ASCC3: variants seen among roughly 807,000 people sequenced by gnomAD.
ASCC3 encodes ASC-1 complex subunit P200.
Under a neutral mutation model 256.3 loss-of-function variants are expected in ASCC3, and 158 were observed. The ratio of observed to expected loss-of-function variants is 0.62; its 90% confidence interval spans 0.54 to 0.70. The LOEUF (loss-of-function observed/expected upper bound fraction) is 0.70, where lower values mean the gene tolerates loss of function less well. ASCC3 is among the 30% of genes least tolerant of loss of function. The probability of loss-of-function intolerance (pLI) is 0.00; values close to 1 mark genes in which losing one functional copy is unlikely to be tolerated. For synonymous variants in ASCC3, 948 were observed against 883.4 expected (o/e 1.07, Z -1.30); for missense variants, 2,259 against 2,626.0 (o/e 0.86, Z 3.05).
intron 13 of ASCC3, among the ~76,000 whole-genome samples, chr6:100,709,178 G>T (rs1234630742): frequency 6.6e-6 from 1 of 152,116 alleles, no homozygotes; most frequent in African/African-American, 2.4e-5. Context: ...TGGTCATACG[G>T]CAAGACCACA....
At chr6:100,749,433 A>C (rs1396721010) in intron 10 of ASCC3, among the ~76,000 whole-genome samples, 1 of 152,040 alleles carries the variant, frequency 6.6e-6, no homozygotes, top group East Asian at 1.9e-4. Context: ...CTGCATTTTT[A>C]AACTTTTCTA....
intron 4 of ASCC3, among the ~76,000 whole-genome samples, chr6:100,825,970 T>G (rs1056586015): frequency 1.3e-5 from 2 of 151,996 alleles, no homozygotes; most frequent in African/African-American, 4.8e-5. Context: ...TCACAAAGAT[T>G]ATTACCAACC....
At chr6:100,830,943 T>C (rs1230965321) in intron 4 of ASCC3, among the ~76,000 whole-genome samples, 2 of 152,206 alleles carry the variant, frequency 1.3e-5, no homozygotes, top group African/African-American at 4.8e-5. Flanking sequence ...AAAATACTTA[T>C]AAAGGCTACA....
At chr6:100,809,070 G>C (rs1018508843) in intron 4 of ASCC3, among the ~76,000 whole-genome samples, 1 of 151,888 alleles carries the variant, frequency 6.6e-6, no homozygotes, top group Admixed American at 6.6e-5. Flanking sequence ...CTCTAGTTGA[G>C]TCAGTGAGTG....
At chr6:100,766,798 A>T in intron 9 of ASCC3, 93 bp from the exon 10 acceptor site, 3 of 1,449,930 alleles carry the variant, frequency 2.1e-6, no homozygotes, top group Non-Finnish European at 2.9e-6. Flanking sequence ...TTATTGTGAA[A>T]TATGTTTCTA....
Position 100,644,082 on chromosome 6 carries a change from A to T in ASCC3, c.3681T>A (p.Pro1227=). The change falls in exon 23 of 42, where the codon CCT becomes CCA. Residue 1227 remains proline, a synonymous_variant. Transcript: ENST00000369162. ...GEPWWIWVED[P]TNDHIYHSEY... ...CTGAATGATAAATATGATCATTTGTAGGATCTTCTACCCAAATCCACCAAG... is the reference window on the plus strand; with the variant it reads ...CTGAATGATAAATATGATCATTTGTTGGATCTTCTACCCAAATCCACCAAG... 2 of 1,612,972 alleles carry T rather than the reference A, an allele frequency of 1.2e-6. No individual in the cohort carries two copies. The highest frequency in any genetic ancestry group is 8.5e-7 in the Non-Finnish European group (1 of 1,179,348).
At chr6:100,833,323 G>C (rs561013140) in intron 4 of ASCC3, among the ~76,000 whole-genome samples, 1 of 152,266 alleles carries the variant, frequency 6.6e-6, no homozygotes, top group African/African-American at 2.4e-5. Context: ...AAATGGTACA[G>C]CACAAAGGAC....
intron 37 of ASCC3, among the ~76,000 whole-genome samples, chr6:100,523,001 T>A (rs904216210): frequency 5.4e-5 from 8 of 146,908 alleles, no homozygotes; most frequent in East Asian, 2.0e-4. Context: ...GGAATGTGCA[T>A]ACTAGATAAA....
intron 30 of ASCC3, among the ~76,000 whole-genome samples, chr6:100,614,596 T>C (rs1409789138): frequency 6.6e-6 from 1 of 152,168 alleles, no homozygotes; most frequent in Admixed American, 6.5e-5. Context: ...AGGCAGTCAG[T>C]ATTGACCAAG....
chr6:100,552,120 T>G (rs1769331298), intron 36 of ASCC3, among the ~76,000 whole-genome samples: 1 of 151,666 alleles, frequency 6.6e-6, no homozygotes, highest in Admixed American at 6.6e-5. Flanking sequence ...TGGTAAGATG[T>G]GCTGTAAATG....
intron 1 of ASCC3, among the ~76,000 whole-genome samples, chr6:100,872,454 GA>G (rs1283842677): frequency 2.5e-4 from 21 of 85,394 alleles, no homozygotes; most frequent in East Asian, 4.3e-4. Context: ...GACCTGAGTA[GA>G]AAAAAAAAAG....
intron 5 of ASCC3, among the ~76,000 whole-genome samples, chr6:100,805,144 A>G (rs1454105024): frequency 6.6e-6 from 1 of 152,162 alleles, no homozygotes; most frequent in African/African-American, 2.4e-5. Flanking sequence ...ACTACATAAC[A>G]GCTGTCATTT....
intron 8 of ASCC3, among the ~76,000 whole-genome samples, chr6:100,769,559 A>G (rs1781825082): frequency 6.6e-6 from 1 of 151,838 alleles, no homozygotes; most frequent in Non-Finnish European, 1.5e-5. Flanking sequence ...CAAAAGAACA[A>G]CTTTATCCTC....
At chr6:100,806,912 A>T (rs1770213021) in intron 4 of ASCC3, among the ~76,000 whole-genome samples, 1 of 151,872 alleles carries the variant, frequency 6.6e-6, no homozygotes, top group South Asian at 2.1e-4. Flanking sequence ...CTATCAAGCA[A>T]ATCCTCCTAA....
At chr6:100,863,482 A>C (rs968619542) in intron 3 of ASCC3, among the ~76,000 whole-genome samples, 5 of 152,154 alleles carry the variant, frequency 3.3e-5, no homozygotes, top group Non-Finnish European at 5.9e-5. Context: ...TCCTTATTTT[A>C]ATCAAGACAG....
intron 11 of ASCC3, among the ~76,000 whole-genome samples, 197 bp from the exon 12 acceptor site, chr6:100,718,448 T>C (rs547625699): frequency 6.6e-6 from 1 of 152,102 alleles, no homozygotes; most frequent in South Asian, 2.1e-4. Context: ...TAGAATTCCA[T>C]ACCCACTATA....
chr6:100,568,079 C>A (rs750360767), intron 36 of ASCC3, among the ~76,000 whole-genome samples: 1 of 151,892 alleles, frequency 6.6e-6, no homozygotes, highest in Non-Finnish European at 1.5e-5. Context: ...TAATAATAGC[C>A]ATTCTGGGCT....
At position 100,607,154 on chromosome 6, in the gene ASCC3, G is replaced by A. The variant is rs185182789; in HGVS notation, c.4786-66C>T. On this transcript the variant is annotated intron_variant, in intron 30 of 41. Coordinates refer to ENST00000369162, the MANE Select transcript of ASCC3 (RefSeq NM_006828.4). ...TTTAAAATTTTCATTAATTTTTCAT[G>A]TTTCAAAAAACATTAATTTTGTCTT... is the stretch of plus-strand genomic sequence containing the variant. 3.9e-5 allele frequency: 60 copies of A among 1,521,294 alleles called. No individual in the cohort carries two copies. The African/African-American group carries it at 6.4e-4, about 16-fold the overall frequency. The allele number at this position is 1,521,294 out of a possible 1,614,324, so 94.2% of individuals were successfully genotyped here.
chr6:100,787,060 T>G (rs1693610939), intron 8 of ASCC3, among the ~76,000 whole-genome samples: 2 of 152,268 alleles, frequency 1.3e-5, no homozygotes, highest in Admixed American at 1.3e-4. Context: ...CCCAGATGCC[T>G]GCCTCCTGGT....
Sources: gnomAD v4.1 joint callset for allele counts (sites outside exome capture counted in the v4.1 genomes callset) on GRCh38, gnomAD v4.1.1 for gene constraint, MANE v1.5 for transcripts, NCBI Gene and HGNC (gene_info 2026-07-23, HGNC 2026-07-21) for gene names.